The following CGREF1 variants were observed in gnomAD, a reference collection of about 807,000 sequenced individuals.
CGREF1 encodes the protein cell growth regulator with EF hand domain protein 1.
A neutral mutation model predicts 17.4 loss-of-function variants in CGREF1; 16 were observed. That is an observed-to-expected ratio of 0.92 (90% CI 0.62 to 1.40). CGREF1 has a LOEUF of 1.40. CGREF1 is among the 40% of genes most tolerant of loss of function. The pLI, the probability that CGREF1 is intolerant of heterozygous loss-of-function variation, is 0.00. For synonymous variants in CGREF1, 142 were observed against 154.6 expected (o/e 0.92, Z 0.61); for missense variants, 296 against 376.4 (o/e 0.79, Z 1.77).
In CGREF1 at chr2:27,102,203, G is replaced by A. The variant is rs1161412413; in HGVS notation, c.236C>T (p.Ala79Val). The A allele has an allele frequency of 1.2e-6, 2 of 1,611,960 alleles. No individual in the cohort carries two copies. Among genetic ancestry groups the A allele is most frequent in the African/African-American group, 1.3e-5 (1 of 74,888 alleles). The change falls in exon 5 of 6, where the codon GCC (alanine) becomes GTC (valine). Residue 79 changes from alanine (A) to valine (V), a missense_variant. Coordinates refer to ENST00000402394, the MANE Select transcript of CGREF1 (RefSeq NM_006569.6). The stretch of plus-strand genomic sequence containing the variant: ...TCCACTCTGGTCATAGTCATGGAGG[G>A]CAAAGAGGTAGAGGAGAACTAAAGA... Reference protein sequence around the residue: ...SREQVLLYLFALHDYDQSGQL... With the variant: ...SREQVLLYLFVLHDYDQSGQL...
Position 27,118,940 on chromosome 2 carries a change from C to A in CGREF1, c.-106G>T. ...CTCGCCTCCCGCCGCCAGCCTCCCC[C>A]GGGCCGCTCCACGTGGCCGCTCCAC... On this transcript the variant is annotated 5_prime_UTR_variant, in exon 1 of 6. Transcript: ENST00000402394. The A allele has an allele frequency of 1.3e-5, 2 of 152,362 alleles. No homozygotes were observed. The highest frequency in any genetic ancestry group is 3.7e-4 in the South Asian group (2 of 5,462). 9.4% of individuals were successfully genotyped at this position (152,362 alleles called of 1,614,324 possible).
intron 2 of CGREF1, among the ~76,000 whole-genome samples, chr2:27,103,574 A>G (rs946700555): frequency 2.0e-5 from 3 of 151,326 alleles, no homozygotes; most frequent in African/African-American, 7.3e-5. Context: ...GGGTTTCACC[A>G]TGTTGGCCAG....
In CGREF1 at chr2:27,100,660, C is replaced by T; in HGVS notation, c.*614G>A. On this transcript the variant is annotated 3_prime_UTR_variant, in exon 6 of 6. Transcript: ENST00000402394. ...GGGTACAGCACTTAACGCAATCTGC[C>T]TCAATTTCTTCATCTGTCAAATGGA... is the stretch of plus-strand genomic sequence containing the variant. 1 of 1,066,828 alleles carries T rather than the reference C, an allele frequency of 9.4e-7. No individual in the cohort carries two copies. Among genetic ancestry groups the T allele is most frequent in the East Asian group, 6.1e-5 (1 of 16,382 alleles). 66.1% of individuals were successfully genotyped at this position (1,066,828 alleles called of 1,614,324 possible). A position where few individuals can be genotyped will look rare whatever the true frequency, so the allele number is the denominator to read the frequency against.
chr2:27,114,895 G>A (rs1471276628), intron 1 of CGREF1, among the ~76,000 whole-genome samples: 2 of 152,076 alleles, frequency 1.3e-5, no homozygotes, highest in Admixed American at 6.6e-5. Context: ...CAACATCAAC[G>A]TTATCTTTTT....
At chr2:27,103,493 C>T (rs1008137893) in intron 2 of CGREF1, among the ~76,000 whole-genome samples, 1 of 152,034 alleles carries the variant, frequency 6.6e-6, no homozygotes, top group African/African-American at 2.4e-5. Flanking sequence ...TTGCCTCAGC[C>T]TCCTGAGTAG....
downstream of CGREF1, chr2:27,100,216 T>A: frequency 2.5e-6 from 1 of 403,154 alleles, no homozygotes; most frequent in Non-Finnish European, 4.7e-6. Context: ...TTCGGGGCCC[T>A]GCGTTGTGCA....
intron 1 of CGREF1, among the ~76,000 whole-genome samples, chr2:27,112,901 G>A (rs1671442755): frequency 1.3e-5 from 2 of 152,204 alleles, no homozygotes; most frequent in East Asian, 3.8e-4. Context: ...AGGCTTCCCG[G>A]GTCCCCAGAA....
Position 27,100,795 on chromosome 2 carries a change from T to TATTA in CGREF1, c.*475_*478dup. The TATTA allele has an allele frequency of 9.0e-7, 1 of 1,111,666 alleles. No homozygotes were observed. The highest frequency in any genetic ancestry group is 1.1e-6 in the Non-Finnish European group (1 of 902,988). The allele number at this position is 1,111,666 out of a possible 1,614,324, so 68.9% of individuals were successfully genotyped here. On this transcript the variant is annotated 3_prime_UTR_variant, in exon 6 of 6. Coordinates refer to ENST00000402394, the MANE Select transcript of CGREF1 (RefSeq NM_006569.6). ...CTCAAAAAGTTCTAGTGATGATTAA[T>TATTA]ATTACTGGGGATGGGGTCACCTGCC...
At chr2:27,099,378 A>T (rs1670634694), downstream of CGREF1, 1 of 1,610,982 alleles carries the variant, frequency 6.2e-7, no homozygotes, top group Non-Finnish European at 8.5e-7. Flanking sequence ...GGCTGGGGGG[A>T]CGGGGTGGGC....
Position 27,101,281 on chromosome 2 carries a change from T to TC in CGREF1, c.949dup (p.Glu317GlyfsTer19). ...TACCTGTATCTTCAAGATCTAGATCTCATCATTCTCCACTTGAACAATGTG... is the reference window on the plus strand; with the variant it reads ...TACCTGTATCTTCAAGATCTAGATCTCCATCATTCTCCACTTGAACAATGTG... On this transcript the variant is annotated frameshift_variant, in exon 6 of 6. Transcript: ENST00000402394. LOFTEE classifies it high-confidence loss of function. 1.9e-6 allele frequency: 3 copies of TC among 1,554,072 alleles called. No individual in the cohort carries two copies. The highest frequency in any genetic ancestry group is 2.6e-6 in the Non-Finnish European group (3 of 1,149,420).
intron 1 of CGREF1, among the ~76,000 whole-genome samples, chr2:27,111,166 G>A (rs1395872595): frequency 1.3e-5 from 2 of 152,204 alleles, no homozygotes; most frequent in Non-Finnish European, 2.9e-5. Context: ...CCTGCTGATT[G>A]GTCCATTTTA....
At chr2:27,099,728 A>G (rs1387548575), downstream of CGREF1, 1 of 1,614,124 alleles carries the variant, frequency 6.2e-7, no homozygotes, top group South Asian at 1.1e-5. Context: ...TGTGGCCTGC[A>G]GGGCTTTGAT....
rs542750712 is a variant in CGREF1, at chr2:27,105,240, G to A, written c.-11-863C>T. Among the ~76,000 whole-genome samples, 214 of 152,266 alleles carry A rather than the reference G, an allele frequency of 1.4e-3. 1 individual carries two copies. The highest frequency in any genetic ancestry group is 4.2e-3 in the Admixed American group (64 of 15,292). On this transcript the variant is annotated intron_variant, in intron 1 of 5. Coordinates refer to ENST00000402394, the MANE Select transcript of CGREF1 (RefSeq NM_006569.6). The stretch of plus-strand genomic sequence containing the variant: ...AAGCCCATCTCTAGAAAGAAAAACC[G>A]TCAGATGCTTGATGGTCTAGCAGAG...
chr2:27,107,254 T>G (rs74487669), intron 1 of CGREF1, among the ~76,000 whole-genome samples: 1 of 151,354 alleles, frequency 6.6e-6, no homozygotes, highest in African/African-American at 2.4e-5. Flanking sequence ...GTTCACATTT[T>G]TTTTGTTTTG....
Position 27,105,168 on chromosome 2 carries a change from AG to A in CGREF1, c.-11-792del, listed in dbSNP as rs546654065. On this transcript the variant is annotated intron_variant, in intron 1 of 5. Transcript: ENST00000402394. ...TCCCAGGGTATGTACAGGTAGTGTG[AG>A]TTCCTGAGGAAGCAGAAGCCCACCA... Among the ~76,000 whole-genome samples the A allele has an allele frequency of 1.6e-4, 24 of 152,348 alleles. No homozygotes were observed. In the East Asian group the frequency reaches 4.6e-3, roughly 29 times the overall value.
chr2:27,114,579 C>T (rs1263413050), intron 1 of CGREF1, among the ~76,000 whole-genome samples: 1 of 152,170 alleles, frequency 6.6e-6, no homozygotes, highest in African/African-American at 2.4e-5. Context: ...TAAAAGTGAC[C>T]TAGCTTATGC....
chr2:27,113,959 C>A (rs12617392), intron 1 of CGREF1, among the ~76,000 whole-genome samples: 77,250 of 147,364 alleles, frequency 0.52, 21,637 homozygotes, highest in African/African-American at 0.72. Context: ...CATCATCCAG[C>A]CTTCACGTGT....
At chr2:27,112,160 C>G (rs561637432) in intron 1 of CGREF1, among the ~76,000 whole-genome samples, 53 of 152,290 alleles carry the variant, frequency 3.5e-4, no homozygotes, top group African/African-American at 1.2e-3. Context: ...GCCTGTAGTC[C>G]TAGCTACTTG....
chr2:27,111,273 C>G (rs1021022999), intron 1 of CGREF1, among the ~76,000 whole-genome samples: 1 of 152,188 alleles, frequency 6.6e-6, no homozygotes, highest in Admixed American at 6.5e-5. Context: ...ACTAGGTTAG[C>G]TAGATACAGA....
Sources: gnomAD v4.1 joint callset for allele counts (sites outside exome capture counted in the v4.1 genomes callset) on GRCh38, gnomAD v4.1.1 for gene constraint, MANE v1.5 for transcripts, NCBI Gene and HGNC (gene_info 2026-07-23, HGNC 2026-07-21) for gene names.